Variants in LRP1B observed in about 807,000 individuals in gnomAD.
LRP1B encodes low-density lipoprotein receptor-related protein 1B.
In LRP1B, 217 loss-of-function variants were observed where a neutral mutation model predicts 556.6. The ratio of observed to expected loss-of-function variants is 0.39; its 90% CI spans 0.35 to 0.44. The LOEUF (loss-of-function observed/expected upper bound fraction) is 0.44. LRP1B is among the 20% of genes least tolerant of loss of function. The pLI, the probability that LRP1B is intolerant of heterozygous loss-of-function variation, is 1.00. For synonymous variants in LRP1B, 2,047 were observed against 1,865.8 expected, an observed-to-expected ratio of 1.10 and a Z score of -2.50; for missense variants, 5,053 against 5,620.8, an observed-to-expected ratio of 0.90 and a Z score of 3.23.
At chr2:140,352,601 A>G (rs1489786973) in intron 76 of LRP1B, among the ~76,000 whole-genome samples, 2 of 152,062 alleles carry the variant, frequency 1.3e-5, no homozygotes. Context: ...GCTAATGTTT[A>G]TTTTTATCCC....
chr2:140,926,789 T>A (rs13006527), intron 20 of LRP1B, among the ~76,000 whole-genome samples: 4,756 of 152,286 alleles, frequency 0.031, 80 homozygotes, highest in African/African-American at 0.049. Flanking sequence ...TGCGTTTTTT[T>A]CCCTGTGTCA....
At chr2:141,433,395 T>C (rs749875283) in intron 3 of LRP1B, among the ~76,000 whole-genome samples, 10 of 152,070 alleles carry the variant, frequency 6.6e-5, no homozygotes, top group Non-Finnish European at 1.0e-4. Flanking sequence ...GTTCTATAGA[T>C]AATTGTTAGT....
At chr2:140,343,991 A>T (rs905484279) in intron 77 of LRP1B, among the ~76,000 whole-genome samples, 2 of 151,672 alleles carry the variant, frequency 1.3e-5, no homozygotes, top group African/African-American at 4.8e-5. Context: ...GTTGGAGGTC[A>T]TAGACACGTT....
At chr2:141,738,229 T>C (rs918249979) in intron 2 of LRP1B, among the ~76,000 whole-genome samples, 1 of 152,268 alleles carries the variant, frequency 6.6e-6, no homozygotes, top group Admixed American at 6.5e-5. Flanking sequence ...ACATCATGCC[T>C]AAGCCCGACT....
intron 43 of LRP1B, among the ~76,000 whole-genome samples, chr2:140,585,546 G>A (rs1294632613): frequency 6.6e-6 from 1 of 152,040 alleles, no homozygotes; most frequent in Non-Finnish European, 1.5e-5. Flanking sequence ...CTTAGAGTTG[G>A]AAAATAATTT....
chr2:140,439,555 T>G (rs1686334625), intron 66 of LRP1B, among the ~76,000 whole-genome samples: 1 of 152,182 alleles, frequency 6.6e-6, no homozygotes, highest in African/African-American at 2.4e-5. Context: ...TTTAGTAATT[T>G]AATCTAAATG....
intron 2 of LRP1B, among the ~76,000 whole-genome samples, chr2:141,688,876 T>C (rs1691410132): frequency 6.6e-6 from 1 of 151,860 alleles, no homozygotes; most frequent in Admixed American, 6.6e-5. Flanking sequence ...ATCAACTAAG[T>C]GATAGAGAAA....
At chr2:141,305,382 T>G (rs79671516) in intron 3 of LRP1B, among the ~76,000 whole-genome samples, 3,672 of 152,272 alleles carry the variant, frequency 0.024, 147 homozygotes, top group African/African-American at 0.082. Flanking sequence ...CTTGATTCCT[T>G]TATCATCTAG....
At chr2:141,563,722 A>G (rs1002619190) in intron 2 of LRP1B, among the ~76,000 whole-genome samples, 1 of 152,106 alleles carries the variant, frequency 6.6e-6, no homozygotes, top group Non-Finnish European at 1.5e-5. Flanking sequence ...TGTCCTTTGC[A>G]GCAACATGGT....
At chr2:140,501,301 G>A (rs1474383107) in intron 55 of LRP1B, among the ~76,000 whole-genome samples, 3 of 151,938 alleles carry the variant, frequency 2.0e-5, no homozygotes, top group Non-Finnish European at 4.4e-5. Flanking sequence ...ATCCAGTGTT[G>A]TAGTAAATGA....
chr2:141,096,290 T>A (rs1700297925), intron 7 of LRP1B, among the ~76,000 whole-genome samples: 1 of 152,042 alleles, frequency 6.6e-6, no homozygotes, highest in Admixed American at 6.6e-5. Context: ...AAACCTTTTA[T>A]TAACTGTAAA....
intron 1 of LRP1B, among the ~76,000 whole-genome samples, chr2:141,926,187 A>G (rs1272583208): frequency 6.6e-6 from 1 of 152,212 alleles, no homozygotes; most frequent in Non-Finnish European, 1.5e-5. Flanking sequence ...ATAAATGTAA[A>G]TCATTCTGAA....
At chr2:140,488,656 G>A (rs1355232471) in intron 57 of LRP1B, among the ~76,000 whole-genome samples, 2 of 151,988 alleles carry the variant, frequency 1.3e-5, no homozygotes, top group African/African-American at 4.8e-5. Flanking sequence ...TAAGGACTGA[G>A]TAATTTATTA....
At chr2:140,858,105 G>A (rs1692672796) in intron 27 of LRP1B, among the ~76,000 whole-genome samples, 1 of 152,144 alleles carries the variant, frequency 6.6e-6, no homozygotes, top group Non-Finnish European at 1.5e-5. Flanking sequence ...TGGTTGTTAT[G>A]ACTTGGAGTA....
chr2:141,285,437 T>A (rs1573754409), intron 3 of LRP1B, among the ~76,000 whole-genome samples: 1 of 146,102 alleles, frequency 6.8e-6, no homozygotes, highest in Non-Finnish European at 1.5e-5. Flanking sequence ...ATAGAAAAGG[T>A]GAGAATAATT....
intron 5 of LRP1B, among the ~76,000 whole-genome samples, chr2:141,237,530 C>T (rs1209968396): frequency 6.6e-6 from 1 of 151,818 alleles, no homozygotes; most frequent in Non-Finnish European, 1.5e-5. Context: ...TTATCTTTGG[C>T]ATTGTAAAAA....
intron 2 of LRP1B, among the ~76,000 whole-genome samples, chr2:141,550,008 G>T (rs1318002927): frequency 6.6e-6 from 1 of 152,146 alleles, no homozygotes; most frequent in African/African-American, 2.4e-5. Context: ...AAAAGAAAAA[G>T]AAACACTGCG....
At chr2:142,119,579 A>C (rs985819976) in intron 1 of LRP1B, among the ~76,000 whole-genome samples, 3 of 152,168 alleles carry the variant, frequency 2.0e-5, no homozygotes, top group Non-Finnish European at 4.4e-5. Context: ...TAGGAACAAA[A>C]TCCCAAAACA....
At chr2:141,766,510 C>T (rs1694737460) in intron 2 of LRP1B, among the ~76,000 whole-genome samples, 1 of 152,282 alleles carries the variant, frequency 6.6e-6, no homozygotes, top group Admixed American at 6.5e-5. Context: ...AACTAGCTTT[C>T]TAGAGCACTT....
Sources: gnomAD v4.1 joint callset for allele counts (sites outside exome capture counted in the v4.1 genomes callset) on GRCh38, gnomAD v4.1.1 for gene constraint, MANE v1.5 for transcripts, NCBI Gene and HGNC (gene_info 2026-07-23, HGNC 2026-07-21) for gene names.